The following OXR1 variants were observed in gnomAD, a reference collection of about 807,000 sequenced individuals.
The protein encoded by OXR1 is oxidation resistance 1, also known as oxidation resistance protein 1.
A neutral mutation model predicts 104.6 loss-of-function variants in OXR1; 41 were observed. The ratio of observed to expected loss-of-function variants is 0.39; its 90% CI spans 0.31 to 0.51. OXR1 has a LOEUF of 0.51. Ranked by LOEUF, OXR1 falls within the 20% of genes least tolerant of loss-of-function variation. The probability of loss-of-function intolerance (pLI) is 0.77; values close to 1 mark genes in which losing one functional copy is unlikely to be tolerated. For missense variants in OXR1, 955 were observed against 1,031.9 expected, an observed-to-expected ratio of 0.93 and a Z score of 1.02; for synonymous variants, 348 against 348.4, an observed-to-expected ratio of 1.00 and a Z score of 0.01.
chr8:106,740,595 A>G (rs1834837058), intron 14 of OXR1, 100 bp downstream of exon 14: 1 of 964,562 alleles, frequency 1.0e-6, no homozygotes, highest in Admixed American at 2.3e-5. Context: ...AGTGCATTTT[A>G]TTGTTTAACT....
At position 106,507,807 on chromosome 8, in the gene OXR1, G is replaced by T. The variant is rs1586735989; in HGVS notation, c.24-11136G>T. Among the ~76,000 whole-genome samples the T allele has an allele frequency of 3.3e-5, 5 of 152,136 alleles. No homozygotes were observed. The South Asian group carries it at 1.0e-3, about 32-fold the overall frequency. ...AGGAGGAAGTTTTTCTCCCTTTCCTGCATCCCTTCCTTTGTGCGTAAAATA... is the reference window on the plus strand; with the variant it reads ...AGGAGGAAGTTTTTCTCCCTTTCCTTCATCCCTTCCTTTGTGCGTAAAATA... On this transcript the variant is annotated intron_variant, in intron 2 of 16. Transcript: ENST00000517566.
chr8:106,276,116 T>A (rs182443368), intron 1 of OXR1, among the ~76,000 whole-genome samples: 6 of 152,294 alleles, frequency 3.9e-5, no homozygotes, highest in Non-Finnish European at 7.4e-5. Flanking sequence ...TCCTTCTGAT[T>A]TTGTCATTCA....
chr8:106,432,309 A>G (rs1433803031), intron 2 of OXR1, among the ~76,000 whole-genome samples: 1 of 151,976 alleles, frequency 6.6e-6, no homozygotes. Flanking sequence ...TCACTCTTCC[A>G]TGGTCTCCAT....
At chr8:106,744,433 A>G (rs2035515) in intron 15 of OXR1, among the ~76,000 whole-genome samples, 21,192 of 152,218 alleles carry the variant, frequency 0.14, 1,796 homozygotes, top group East Asian at 0.37. Context: ...TTGGGATGGC[A>G]CCAAACACAA....
In OXR1 at chr8:106,751,411, TAGGA is replaced by T. The variant is rs1835880571; in HGVS notation, c.*476_*479del. ...CATTTGGACATGTTCATCTTATTCT[TAGGA>T]AGGAAAAAATCACTTGCCAAAATAA... is the stretch of plus-strand genomic sequence containing the variant. On this transcript the variant is annotated 3_prime_UTR_variant, in exon 17 of 17. Coordinates refer to ENST00000517566, the MANE Select transcript of OXR1 (RefSeq NM_001198533.2). 1 of 152,702 alleles carries T rather than the reference TAGGA, an allele frequency of 6.5e-6. No individual in the cohort carries two copies. The highest frequency in any genetic ancestry group is 6.5e-5 in the Admixed American group (1 of 15,274). The allele number at this position is 152,702 out of a possible 1,614,324, so 9.5% of individuals were successfully genotyped here.
At chr8:106,554,088 A>G (rs1463694176) in intron 3 of OXR1, among the ~76,000 whole-genome samples, 1 of 152,172 alleles carries the variant, frequency 6.6e-6, no homozygotes. Flanking sequence ...GACCCTCACC[A>G]TAACATCCTC....
chr8:106,725,899 G>A (rs1833290474), intron 11 of OXR1: 1 of 194,676 alleles, frequency 5.1e-6, no homozygotes, highest in South Asian at 1.7e-4. Context: ...TTGTTACTGG[G>A]TTACTTTTAG....
At chr8:106,481,947 A>AC (rs1377022515) in intron 2 of OXR1, among the ~76,000 whole-genome samples, 1 of 152,040 alleles carries the variant, frequency 6.6e-6, no homozygotes, top group Admixed American at 6.6e-5. Flanking sequence ...GTAAGATAAT[A>AC]CATTTGAGAT....
rs958316425 is a variant in OXR1 at position 106,276,908 on chromosome 8, A to G, written c.-139+6541A>G. Among the ~76,000 whole-genome samples the G allele has an allele frequency of 2.6e-5, 4 of 152,210 alleles. No individual in the cohort carries two copies. In the East Asian group the frequency reaches 5.8e-4, roughly 22 times the overall value. On this transcript the variant is annotated intron_variant, in intron 1 of 16. Transcript: ENST00000517566. ...TAGGTAAAGATTTCTAAAACCAAACAAAACCATATGCATAATGTCTTTCAA... is the reference window on the plus strand; with the variant it reads ...TAGGTAAAGATTTCTAAAACCAAACGAAACCATATGCATAATGTCTTTCAA...
intron 2 of OXR1, among the ~76,000 whole-genome samples, chr8:106,487,675 TG>T (rs1810779785): frequency 6.7e-6 from 1 of 150,320 alleles, no homozygotes; most frequent in Non-Finnish European, 1.5e-5. Flanking sequence ...ATGCGGTGTT[TG>T]GTTTTTTGTT....
intron 14 of OXR1, 25 bp downstream of exon 14, chr8:106,740,520 T>G (rs1834830858): frequency 6.3e-7 from 1 of 1,585,962 alleles, no homozygotes. Flanking sequence ...CTGCATAGAT[T>G]GCTTATCCTT....
At chr8:106,378,615 T>C (rs1160578640) in intron 2 of OXR1, among the ~76,000 whole-genome samples, 1 of 152,190 alleles carries the variant, frequency 6.6e-6, no homozygotes, top group African/African-American at 2.4e-5. Flanking sequence ...GTTCAAGTGA[T>C]TTTCCTGCCT....
intron 2 of OXR1, among the ~76,000 whole-genome samples, chr8:106,459,416 A>G (rs1157623965): frequency 6.6e-6 from 1 of 152,128 alleles, no homozygotes; most frequent in Non-Finnish European, 1.5e-5. Context: ...CCCAGCCTCC[A>G]GAACTGTGAG....
At chr8:106,576,543 T>C (rs1817854754) in intron 3 of OXR1, among the ~76,000 whole-genome samples, 1 of 151,498 alleles carries the variant, frequency 6.6e-6, no homozygotes, top group Non-Finnish European at 1.5e-5. Context: ...AGTTATCTGT[T>C]GTTGAAGATT....
At chr8:106,440,866 A>G (rs986590514) in intron 2 of OXR1, among the ~76,000 whole-genome samples, 2 of 152,116 alleles carry the variant, frequency 1.3e-5, no homozygotes, top group Non-Finnish European at 2.9e-5. Context: ...TTTTATCACC[A>G]ATGTGTATTC....
intron 3 of OXR1, among the ~76,000 whole-genome samples, chr8:106,585,946 G>A (rs1279083535): frequency 6.6e-6 from 1 of 152,050 alleles, no homozygotes; most frequent in Non-Finnish European, 1.5e-5. Context: ...AGATAATGGG[G>A]GCTAAATTAT....
intron 7 of OXR1, among the ~76,000 whole-genome samples, chr8:106,694,442 ATT>A (rs1293888078): frequency 7.3e-6 from 1 of 137,124 alleles, no homozygotes; most frequent in East Asian, 2.1e-4. Context: ...ATATAAATAT[ATT>A]TTTATATATA....
chr8:106,487,343 T>TTTTC (rs1051416097), intron 2 of OXR1, among the ~76,000 whole-genome samples: 1 of 150,410 alleles, frequency 6.6e-6, no homozygotes. Context: ...GTATTTCTTT[T>TTTTC]TTTTTTTTTT....
At position 106,270,253 on chromosome 8, in the gene OXR1, C is replaced by G. The variant is rs1387792440; in HGVS notation, c.-253C>G. ...TGCGTCAGGCTGAGCCCATTCACCT[C>G]GCGGCCACAGGAGCTCAGCGCCGGC... On this transcript the variant is annotated 5_prime_UTR_variant, in exon 1 of 17. Coordinates refer to ENST00000517566, the MANE Select transcript of OXR1 (RefSeq NM_001198533.2). 6.6e-6 allele frequency: 1 copy of G among 151,924 alleles called. No homozygotes were observed. The highest frequency in any genetic ancestry group is 2.4e-5 in the African/African-American group (1 of 41,410). The allele number at this position is 151,924 out of a possible 1,614,324, so 9.4% of individuals were successfully genotyped here.
Sources: gnomAD v4.1 joint callset for allele counts (sites outside exome capture counted in the v4.1 genomes callset) on GRCh38, gnomAD v4.1.1 for gene constraint, MANE v1.5 for transcripts, NCBI Gene and HGNC (gene_info 2026-07-23, HGNC 2026-07-21) for gene names.